Variants in RAD18 observed in about 807,000 individuals in gnomAD.
RAD18 encodes RAD18 E3 ubiquitin protein ligase, also known as E3 ubiquitin-protein ligase RAD18.
Under a neutral mutation model 60.4 loss-of-function variants are expected in RAD18, and 47 were observed. That is an observed-to-expected ratio of 0.78 (90% CI 0.62 to 0.99). The LOEUF (loss-of-function observed/expected upper bound fraction) is 0.99, where lower values mean the gene tolerates loss of function less well. Ranked by LOEUF, RAD18 falls within the 50% of genes least tolerant of loss-of-function variation. The pLI is 0.00. For missense variants in RAD18, 640 were observed against 593.3 expected, an observed-to-expected ratio of 1.08 and a Z score of -0.82; for synonymous variants, 225 against 195.5, an observed-to-expected ratio of 1.15 and a Z score of -1.26.
At chr3:8,890,472 G>C in intron 11 of RAD18, 21 bp from the exon 12 acceptor site, 2 of 1,511,554 alleles carry the variant, frequency 1.3e-6, no homozygotes, top group Non-Finnish European at 9.2e-7. Flanking sequence ...ATGTACATCA[G>C]TATTGACAGA....
intron 7 of RAD18, among the ~76,000 whole-genome samples, chr3:8,932,480 A>G (rs1220451153): frequency 6.6e-6 from 1 of 152,244 alleles, no homozygotes; most frequent in Non-Finnish European, 1.5e-5. Context: ...CACATTGACT[A>G]GAATGGCTAA....
chr3:8,909,537 AT>A (rs1175983114), intron 9 of RAD18, among the ~76,000 whole-genome samples: 1 of 152,188 alleles, frequency 6.6e-6, no homozygotes, highest in African/African-American at 2.4e-5. Flanking sequence ...AAAGTAACAA[AT>A]GAAAGATAAA....
intron 12 of RAD18, among the ~76,000 whole-genome samples, chr3:8,882,644 T>C (rs1939488439): frequency 6.6e-6 from 1 of 152,176 alleles, no homozygotes; most frequent in Non-Finnish European, 1.5e-5. Flanking sequence ...GATATGCCCC[T>C]ATTTGGTGCA....
In RAD18 at chr3:8,929,870, T is replaced by C. The variant is rs867614233; in HGVS notation, c.889+6001A>G. Among the ~76,000 whole-genome samples the C allele has an allele frequency of 2.0e-5, 3 of 152,192 alleles. No homozygotes were observed. In the South Asian group the frequency reaches 6.2e-4, roughly 31 times the overall value. On this transcript the variant is annotated intron_variant, in intron 7 of 12. Transcript: ENST00000264926. ...GTTGGCCAGGCTGGTCTCCAAATCCTGACCTCAGGTGATCCACCTGCCTCG... is the reference window on the plus strand; with the variant it reads ...GTTGGCCAGGCTGGTCTCCAAATCCCGACCTCAGGTGATCCACCTGCCTCG...
At chr3:8,950,569 C>T (rs1466729229) in intron 2 of RAD18, among the ~76,000 whole-genome samples, 1 of 152,188 alleles carries the variant, frequency 6.6e-6, no homozygotes, top group Non-Finnish European at 1.5e-5. Context: ...AATGTGTCCC[C>T]TCTGCCCATA....
intron 7 of RAD18, among the ~76,000 whole-genome samples, chr3:8,919,604 G>C (rs970934076): frequency 6.6e-6 from 1 of 152,180 alleles, no homozygotes; most frequent in Non-Finnish European, 1.5e-5. Flanking sequence ...ATGTATCCAC[G>C]TGTGCGTATG....
In RAD18 at chr3:8,902,414, A is replaced by G. The variant is rs1333617439; in HGVS notation, c.1134T>C (p.Asp378=). 5 of 1,608,882 alleles carry G rather than the reference A, an allele frequency of 3.1e-6. No homozygotes were observed. Among genetic ancestry groups the G allele is most frequent in the Admixed American group, 1.7e-5 (1 of 59,414 alleles). The change falls in exon 10 of 13, where the codon GAT becomes GAC. Residue 378 remains aspartate (D), a synonymous_variant. Coordinates refer to ENST00000264926, the MANE Select transcript of RAD18 (RefSeq NM_020165.4). ...CAGAAGATAGCTTTTCTGTAGATTC[A>G]TCTTCTTTTGTTATTGTTACTGTTT... ...SQKTVTITKE[D]ESTEKLSSVC...
In RAD18 at chr3:8,881,133, AT is replaced by A; in HGVS notation, c.*223del. The A allele has an allele frequency of 2.1e-6, 1 of 470,000 alleles. No homozygotes were observed. The highest frequency in any genetic ancestry group is 3.8e-6 in the Non-Finnish European group (1 of 263,116). 29.1% of individuals were successfully genotyped at this position (470,000 alleles called of 1,614,324 possible). A position where few individuals can be genotyped will look rare whatever the true frequency, so the allele number is the denominator to read the frequency against. ...GCTGGTACCTGTGTGAAATGTCAGT[AT>A]TTTTAGAGAGAGATGTTTTAGAGGC... is the stretch of plus-strand genomic sequence containing the variant. On this transcript the variant is annotated 3_prime_UTR_variant, in exon 13 of 13. Coordinates refer to ENST00000264926, the MANE Select transcript of RAD18 (RefSeq NM_020165.4).
intron 7 of RAD18, among the ~76,000 whole-genome samples, chr3:8,916,119 C>T (rs1364538787): frequency 6.6e-6 from 1 of 152,170 alleles, no homozygotes; most frequent in African/African-American, 2.4e-5. Flanking sequence ...CCCAGAGCAT[C>T]GGTTGCTGAG....
intron 12 of RAD18, among the ~76,000 whole-genome samples, chr3:8,889,356 C>T (rs1375784110): frequency 2.6e-5 from 4 of 152,150 alleles, no homozygotes; most frequent in African/African-American, 4.8e-5. Context: ...GATAATAGAA[C>T]ATCATAATGT....
At chr3:8,960,212 C>T (rs1941074201) in intron 1 of RAD18, among the ~76,000 whole-genome samples, 1 of 152,072 alleles carries the variant, frequency 6.6e-6, no homozygotes, top group Non-Finnish European at 1.5e-5. Flanking sequence ...GAGGCTGAGG[C>T]GGAAGGATTG....
At chr3:8,958,636 A>G (rs2136140) in intron 2 of RAD18, among the ~76,000 whole-genome samples, 45,477 of 152,108 alleles carry the variant, frequency 0.3, 11,606 homozygotes, top group African/African-American at 0.7. Flanking sequence ...ACGTCAAAAA[A>G]CACTTGGCAA....
chr3:8,945,932 TA>T (rs1020790514), intron 4 of RAD18, among the ~76,000 whole-genome samples: 3 of 152,188 alleles, frequency 2.0e-5, no homozygotes, highest in Non-Finnish European at 1.5e-5. Flanking sequence ...GTCAAAAAGT[TA>T]AAAAAATATA....
rs1575527740 is a variant in RAD18, at chr3:8,878,940, A to G, written c.*2417T>C. 1 of 152,226 alleles carries G rather than the reference A, an allele frequency of 6.6e-6. No homozygotes were observed. Among genetic ancestry groups the G allele is most frequent in the East Asian group, 1.9e-4 (1 of 5,206 alleles). The allele number at this position is 152,226 out of a possible 1,614,324, so 9.4% of individuals were successfully genotyped here. ...CTAAAAGGTGAATTTTAGAACCAGA[A>G]GTTTATCAGTTTCAATTTTGGATCT... On this transcript the variant is annotated 3_prime_UTR_variant, in exon 13 of 13. Transcript: ENST00000264926.
chr3:8,887,602 C>A (rs565585868), intron 12 of RAD18, among the ~76,000 whole-genome samples: 1 of 152,332 alleles, frequency 6.6e-6, no homozygotes, highest in Admixed American at 6.5e-5. Flanking sequence ...TCCGCCACCT[C>A]AGACAGCTGC....
chr3:8,908,737 A>C (rs1940057241), intron 9 of RAD18, among the ~76,000 whole-genome samples: 1 of 152,262 alleles, frequency 6.6e-6, no homozygotes, highest in Non-Finnish European at 1.5e-5. Context: ...AATTAATTGC[A>C]CAATAAATAA....
chr3:8,935,002 G>A (rs1162137697), intron 7 of RAD18, among the ~76,000 whole-genome samples: 1 of 152,164 alleles, frequency 6.6e-6, no homozygotes, highest in African/African-American at 2.4e-5. Flanking sequence ...ATCAAACATA[G>A]GCAAAATGAA....
chr3:8,885,101 G>A (rs1279419067), intron 12 of RAD18, among the ~76,000 whole-genome samples: 1 of 152,152 alleles, frequency 6.6e-6, no homozygotes, highest in Non-Finnish European at 1.5e-5. Context: ...TCATCAGCCT[G>A]CTTCCAATAC....
chr3:8,889,354 A>T (rs193921), intron 12 of RAD18, among the ~76,000 whole-genome samples: 128,911 of 151,844 alleles, frequency 0.85, 55,066 homozygotes, highest in African/African-American at 0.93. Context: ...GGGATAATAG[A>T]ACATCATAAT....
Sources: gnomAD v4.1 joint callset for allele counts (sites outside exome capture counted in the v4.1 genomes callset) on GRCh38, gnomAD v4.1.1 for gene constraint, MANE v1.5 for transcripts, NCBI Gene and HGNC (gene_info 2026-07-23, HGNC 2026-07-21) for gene names.